The following FGF12 variants were observed in gnomAD, a reference collection of about 807,000 sequenced individuals.
The protein encoded by FGF12 is fibroblast growth factor 12B.
A neutral mutation model predicts 23.6 loss-of-function variants in FGF12; 14 were observed. That is an observed-to-expected ratio of 0.59 (90% confidence interval 0.39 to 0.93). FGF12 has a LOEUF of 0.93. FGF12 is among the 40% of genes least tolerant of loss of function. The pLI is 0.00. For missense variants in FGF12, 175 were observed against 217.8 expected (o/e 0.80, Z 1.24); for synonymous variants, 62 against 77.3 (o/e 0.80, Z 1.04).
intron 4 of FGF12, among the ~76,000 whole-genome samples, chr3:192,202,316 G>C (rs1329681655): frequency 6.6e-6 from 1 of 152,162 alleles, no homozygotes; most frequent in Non-Finnish European, 1.5e-5. Context: ...TCTAAACAGA[G>C]TTTTGATGTC....
chr3:192,693,680 T>C (rs554477277), intron 2 of FGF12, among the ~76,000 whole-genome samples: 2 of 152,254 alleles, frequency 1.3e-5, no homozygotes, highest in South Asian at 2.1e-4. Flanking sequence ...ATAAATGATG[T>C]TGGGAAATCT....
chr3:192,712,927 G>A (rs1718742845), intron 2 of FGF12, among the ~76,000 whole-genome samples: 1 of 152,044 alleles, frequency 6.6e-6, no homozygotes, highest in Non-Finnish European at 1.5e-5. Context: ...AGGTTCTGAG[G>A]GATATTACTT....
At chr3:192,275,513 T>A (rs1012575414) in intron 4 of FGF12, among the ~76,000 whole-genome samples, 2 of 152,174 alleles carry the variant, frequency 1.3e-5, no homozygotes, top group African/African-American at 4.8e-5. Context: ...ATTAGGATCT[T>A]CAAACTAAAA....
chr3:192,357,592 C>T (rs1160126022), intron 3 of FGF12, among the ~76,000 whole-genome samples: 4 of 151,706 alleles, frequency 2.6e-5, no homozygotes, highest in Admixed American at 6.6e-5. Flanking sequence ...AAACAAACAA[C>T]TTTTCTACAT....
At chr3:192,711,099 G>A (rs1187500502) in intron 2 of FGF12, among the ~76,000 whole-genome samples, 2 of 152,100 alleles carry the variant, frequency 1.3e-5, no homozygotes, top group Non-Finnish European at 2.9e-5. Context: ...ATATGAACAG[G>A]TAACCAAATA....
At chr3:192,210,031 G>C (rs1005486753) in intron 4 of FGF12, among the ~76,000 whole-genome samples, 4 of 152,168 alleles carry the variant, frequency 2.6e-5, no homozygotes, top group African/African-American at 9.7e-5. Context: ...ACAGTGACTA[G>C]ATTTAACTTC....
At chr3:192,208,859 C>A (rs931071410) in intron 4 of FGF12, among the ~76,000 whole-genome samples, 1 of 152,174 alleles carries the variant, frequency 6.6e-6, no homozygotes, top group African/African-American at 2.4e-5. Context: ...TAGCTACTGT[C>A]TATAAGTGTC....
At chr3:192,443,452 G>A (rs1373623206) in intron 2 of FGF12, among the ~76,000 whole-genome samples, 1 of 152,172 alleles carries the variant, frequency 6.6e-6, no homozygotes, top group African/African-American at 2.4e-5. Flanking sequence ...CAGGACAGTA[G>A]TAATAAGTAG....
At position 192,578,342 on chromosome 3, in the gene FGF12, T is replaced by G. The variant is rs1322061706; in HGVS notation, c.13+148839A>C. On this transcript the variant is annotated intron_variant, in intron 2 of 5. Transcript: ENST00000445105. ...TCTTTTTACTGGAGTAAAGGAAGAT[T>G]GAGTGATTTGCCCAAGGTCACGCAG... Among the ~76,000 whole-genome samples the G allele has an allele frequency of 2.0e-5, 3 of 152,332 alleles. No individual in the cohort carries two copies. The East Asian group carries it at 5.8e-4, about 29-fold the overall frequency.
At chr3:192,590,080 C>T (rs1192572696) in intron 2 of FGF12, among the ~76,000 whole-genome samples, 4 of 151,568 alleles carry the variant, frequency 2.6e-5, no homozygotes, top group African/African-American at 9.7e-5. Context: ...GAATGGGGAT[C>T]CCAACCTTGG....
At chr3:192,659,717 GC>G (rs2108683084) in intron 2 of FGF12, among the ~76,000 whole-genome samples, 1 of 152,160 alleles carries the variant, frequency 6.6e-6, no homozygotes, top group African/African-American at 2.4e-5. Context: ...TTGAGGAATC[GC>G]CACACTGACT....
At chr3:192,501,404 A>T (rs1234375186) in intron 2 of FGF12, among the ~76,000 whole-genome samples, 1 of 152,220 alleles carries the variant, frequency 6.6e-6, no homozygotes, top group Non-Finnish European at 1.5e-5. Flanking sequence ...AACCTTAAAA[A>T]CAAACTACAT....
chr3:192,670,722 T>C (rs971424935), intron 2 of FGF12, among the ~76,000 whole-genome samples: 1 of 152,192 alleles, frequency 6.6e-6, no homozygotes, highest in East Asian at 1.9e-4. Flanking sequence ...TAGAGTCCCT[T>C]ACCTTCAAAG....
Position 192,407,601 on chromosome 3 carries a change from T to G in FGF12, c.14-47063A>C, listed in dbSNP as rs1721013626. 1.3e-5 allele frequency among the ~76,000 whole-genome samples: 2 copies of G among 152,096 alleles called. 1 individual carries two copies. Among genetic ancestry groups the G allele is most frequent in the Admixed American group, 1.3e-4 (2 of 15,278 alleles). The stretch of plus-strand genomic sequence containing the variant: ...GATAAGGGAAGGGCTGTATTAATCT[T>G]TAGGTCCTCAGTGGGCAGCGTAAGT... On this transcript the variant is annotated intron_variant, in intron 2 of 5. Coordinates refer to ENST00000445105, the MANE Select transcript of FGF12 (RefSeq NM_004113.6).
chr3:192,667,607 T>TAAAA (rs59867848), intron 2 of FGF12, among the ~76,000 whole-genome samples: 6 of 76,184 alleles, frequency 7.9e-5, no homozygotes, highest in Admixed American at 1.9e-4. Context: ...CGAGACTCCG[T>TAAAA]AAAAAAAAAA....
intron 2 of FGF12, among the ~76,000 whole-genome samples, chr3:192,710,251 T>G (rs1718621397): frequency 1.3e-5 from 2 of 152,214 alleles, no homozygotes; most frequent in South Asian, 2.1e-4. Context: ...TTAGTATTTT[T>G]GGATGTAAGT....
At chr3:192,218,801 CATTTT>C (rs1424773460) in intron 4 of FGF12, among the ~76,000 whole-genome samples, 2 of 152,120 alleles carry the variant, frequency 1.3e-5, no homozygotes, top group Non-Finnish European at 2.9e-5. Context: ...TTAAAATAAC[CATTTT>C]ATTTGGACAA....
chr3:192,215,733 C>T (rs1718162106), intron 4 of FGF12, among the ~76,000 whole-genome samples: 1 of 152,142 alleles, frequency 6.6e-6, no homozygotes, highest in African/African-American at 2.4e-5. Context: ...AAACCTTTTT[C>T]CCCTGTAGAA....
chr3:192,604,587 C>T (rs1376665784), intron 2 of FGF12, among the ~76,000 whole-genome samples: 1 of 152,164 alleles, frequency 6.6e-6, no homozygotes, highest in Non-Finnish European at 1.5e-5. Flanking sequence ...GCATTCCATG[C>T]TCACGGACTG....
Sources: gnomAD v4.1 joint callset for allele counts (sites outside exome capture counted in the v4.1 genomes callset) on GRCh38, gnomAD v4.1.1 for gene constraint, MANE v1.5 for transcripts, NCBI Gene and HGNC (gene_info 2026-07-23, HGNC 2026-07-21) for gene names.